Variants in TWIST2 observed in about 807,000 individuals in gnomAD.
The protein encoded by TWIST2 is twist-related protein 2.
In TWIST2, 1 loss-of-function variant was observed where a neutral mutation model predicts 11.6. That is an observed-to-expected ratio of 0.09 (90% CI 0.03 to 0.41). The LOEUF (loss-of-function observed/expected upper bound fraction) is 0.41. Ranked by LOEUF, TWIST2 falls within the 10% of genes least tolerant of loss-of-function variation. TWIST2 has a pLI of 0.98. For synonymous variants in TWIST2, 87 were observed against 96.6 expected (o/e 0.90, Z 0.58); for missense variants, 168 against 226.4 (o/e 0.74, Z 1.66).
At chr2:238,896,120 C>A (rs1054875943) in intron 1 of TWIST2, among the ~76,000 whole-genome samples, 2 of 152,232 alleles carry the variant, frequency 1.3e-5, no homozygotes, top group African/African-American at 4.8e-5. Context: ...GCAGGCAAGC[C>A]GGGGTCAGAG....
intron 1 of TWIST2, among the ~76,000 whole-genome samples, chr2:238,897,809 A>T: frequency 6.6e-6 from 1 of 152,024 alleles, no homozygotes; most frequent in African/African-American, 2.4e-5. Flanking sequence ...CTGGGAGCCT[A>T]CCCGGAGCCG....
chr2:238,859,496 G>T (rs570360980), intron 1 of TWIST2, among the ~76,000 whole-genome samples: 3 of 151,666 alleles, frequency 2.0e-5, no homozygotes, highest in African/African-American at 7.3e-5. Flanking sequence ...TCACAACAAG[G>T]TGTATGCACT....
intron 1 of TWIST2, among the ~76,000 whole-genome samples, chr2:238,901,159 TAGAG>T (rs1309028043): frequency 3.3e-5 from 5 of 151,950 alleles, no homozygotes; most frequent in African/African-American, 1.2e-4. Context: ...GTATTTTTAG[TAGAG>T]AGAGGGTTTC....
chr2:238,852,148 A>G (rs1692252016), intron 1 of TWIST2, among the ~76,000 whole-genome samples: 1 of 152,222 alleles, frequency 6.6e-6, no homozygotes, highest in African/African-American at 2.4e-5. Flanking sequence ...AAAAAGAAAA[A>G]AAAACACCAC....
rs145436502 is a variant in TWIST2 at position 238,869,035 on chromosome 2, G to A, written c.*35+20302G>A. On this transcript the variant is annotated intron_variant, in intron 1 of 1. Transcript: ENST00000612363. The stretch of plus-strand genomic sequence containing the variant: ...GGCAGCAGATGGCACGGGTAGGTGC[G>A]CGGGCAGCAAATGCTTGGCAGTTTA... 3.2e-3 allele frequency among the ~76,000 whole-genome samples: 486 copies of A among 152,354 alleles called. 2 individuals carry two copies. The highest frequency in any genetic ancestry group is 5.6e-3 in the Non-Finnish European group (379 of 68,040).
intron 1 of TWIST2, among the ~76,000 whole-genome samples, chr2:238,907,552 C>G (rs888482552): frequency 5.3e-5 from 8 of 152,096 alleles, no homozygotes. Flanking sequence ...GTTTGATTGG[C>G]CCACAAGTGC....
At chr2:238,881,707 G>A (rs1692938344) in intron 1 of TWIST2, among the ~76,000 whole-genome samples, 1 of 152,088 alleles carries the variant, frequency 6.6e-6, no homozygotes, top group Non-Finnish European at 1.5e-5. Flanking sequence ...CCCCATCTCG[G>A]CCCCTCTTGA....
chr2:238,870,336 C>G (rs907885122), intron 1 of TWIST2, among the ~76,000 whole-genome samples: 2 of 57,964 alleles, frequency 3.5e-5, no homozygotes, highest in African/African-American at 1.3e-4. Context: ...CCCCACACAC[C>G]CCACACACAC....
At chr2:238,885,334 CTTTA>C (rs1209875507) in intron 1 of TWIST2, among the ~76,000 whole-genome samples, 1 of 152,240 alleles carries the variant, frequency 6.6e-6, no homozygotes, top group Non-Finnish European at 1.5e-5. Context: ...ACTCAGCTTG[CTTTA>C]TTTAGTCCAG....
At chr2:238,856,751 C>T (rs551927952) in intron 1 of TWIST2, among the ~76,000 whole-genome samples, 11 of 152,218 alleles carry the variant, frequency 7.2e-5, no homozygotes, top group Admixed American at 1.3e-4. Context: ...CAGTGTCCCT[C>T]AGAGACATAG....
At chr2:238,897,511 A>G (rs1693220381) in intron 1 of TWIST2, among the ~76,000 whole-genome samples, 1 of 152,046 alleles carries the variant, frequency 6.6e-6, no homozygotes, top group Non-Finnish European at 1.5e-5. Flanking sequence ...AACCCAGGCC[A>G]CCCTGGTGCC....
chr2:238,905,940 T>TGC lies in TWIST2; in HGVS notation c.*36-3901_*36-3900insCG, dbSNP rs1418691872. 2.8e-3 allele frequency among the ~76,000 whole-genome samples: 304 copies of TGC among 107,590 alleles called. 3 individuals are homozygous for TGC. The highest frequency in any genetic ancestry group is 7.5e-3 in the African/African-American group (166 of 21,998). 70.6% of individuals were successfully genotyped at this position (107,590 alleles called of 152,430 possible). On this transcript the variant is annotated intron_variant, in intron 1 of 1. Coordinates refer to ENST00000612363, the MANE Select transcript of TWIST2 (RefSeq NM_001271893.4). ...GTGCAGGTGTGCGTGTGCGCGTGTG[T>TGC]GTGCGCGCGCGTGTGTACGTGTGCG...
Position 238,895,009 on chromosome 2 carries a change from T to C in TWIST2, c.*36-14833T>C, listed in dbSNP as rs1329443825. Among the ~76,000 whole-genome samples, 16 of 152,338 alleles carry C rather than the reference T, an allele frequency of 1.1e-4. No homozygotes were observed. In the East Asian group the frequency reaches 3.1e-3, roughly 29 times the overall value. On this transcript the variant is annotated intron_variant, in intron 1 of 1. Transcript: ENST00000612363. The stretch of plus-strand genomic sequence containing the variant: ...TTGTTCTGCTGCTTGTCTCCCCATA[T>C]GAACTGTGAGCTGGCTGAGGCACGT...
chr2:238,854,196 C>G (rs555242653), intron 1 of TWIST2, among the ~76,000 whole-genome samples: 1 of 152,212 alleles, frequency 6.6e-6, no homozygotes, highest in African/African-American at 2.4e-5. Context: ...TTATCACATT[C>G]GATTATCCTG....
chr2:238,870,103 C>G (rs1692619911), intron 1 of TWIST2, among the ~76,000 whole-genome samples: 1 of 130,520 alleles, frequency 7.7e-6, no homozygotes, highest in Non-Finnish European at 1.6e-5. Context: ...GTGGTGTGTA[C>G]ACAGACACAC....
chr2:238,880,959 GTTAGTGTTAGTATTTA>G lies in TWIST2; in HGVS notation c.*36-28871_*36-28856del, dbSNP rs1574760714. Among the ~76,000 whole-genome samples, 3 of 90,498 alleles carry G rather than the reference GTTAGTGTTAGTATTTA, an allele frequency of 3.3e-5. 1 individual carries two copies. The highest frequency in any genetic ancestry group is 6.6e-5 in the Non-Finnish European group (3 of 45,722). The allele number at this position is 90,498 out of a possible 152,430, so 59.4% of individuals were successfully genotyped here. ...TATTTGTGTTAGCATTAGTATTAAT[GTTAGTGTTAGTATTTA>G]TTAGTGTTAGTGTTGGTAATATTTA... On this transcript the variant is annotated intron_variant, in intron 1 of 1. Transcript: ENST00000612363.
intron 1 of TWIST2, among the ~76,000 whole-genome samples, chr2:238,905,952 TGTGTACGTGTGCGTGTGTGTGC>T (rs1693345351): frequency 8.7e-6 from 1 of 114,486 alleles, no homozygotes. Context: ...TGCGCGCGCG[TGTGTACGTGTGCGTGTGTGTGC>T]GCGCGCGTGT....
In TWIST2 at chr2:238,864,368, T is replaced by C. The variant is rs796826053; in HGVS notation, c.*35+15635T>C. Among the ~76,000 whole-genome samples the C allele has an allele frequency of 1.3e-5, 2 of 152,320 alleles. No individual in the cohort carries two copies. The highest frequency in any genetic ancestry group is 4.8e-5 in the African/African-American group (2 of 41,568). On this transcript the variant is annotated intron_variant, in intron 1 of 1. Transcript: ENST00000612363. The surrounding 1 kb of genome is among the most constrained non-coding windows in gnomAD (Gnocchi z 4.7). Reference sequence around the variant, plus strand: ...AGGTTAACTGCCAGGGTTAGTCCCCTCCGCGGGCCTCCTGCATGAATCAGA... The same window carrying C: ...AGGTTAACTGCCAGGGTTAGTCCCCCCCGCGGGCCTCCTGCATGAATCAGA...
At chr2:238,891,668 C>T (rs1439620687) in intron 1 of TWIST2, among the ~76,000 whole-genome samples, 1 of 152,130 alleles carries the variant, frequency 6.6e-6, no homozygotes, top group South Asian at 2.1e-4. Flanking sequence ...GACAAGAAAG[C>T]GAGAAGGTTC....
Sources: gnomAD v4.1 joint callset for allele counts (sites outside exome capture counted in the v4.1 genomes callset) on GRCh38, gnomAD v4.1.1 for gene constraint, Gnocchi (gnomAD v3.1) non-coding constraint, MANE v1.5 for transcripts, NCBI Gene and HGNC (gene_info 2026-07-23, HGNC 2026-07-21) for gene names.